ZNF331: variants seen among roughly 807,000 people sequenced by gnomAD.
ZNF331 encodes zinc finger protein 331.
ZNF331 carries 2 observed loss-of-function variants against 7.0 expected under a neutral mutation model. That is an observed-to-expected ratio of 0.29 (90% CI 0.12 to 0.90). The LOEUF (loss-of-function observed/expected upper bound fraction) is 0.90, where lower values mean the gene tolerates loss of function less well. Ranked by LOEUF, ZNF331 falls within the 40% of genes least tolerant of loss-of-function variation. The pLI, the probability that ZNF331 is intolerant of heterozygous loss-of-function variation, is 0.58. For synonymous variants in ZNF331, 196 were observed against 205.4 expected, an observed-to-expected ratio of 0.95 and a Z score of 0.39; for missense variants, 432 against 587.7, an observed-to-expected ratio of 0.74 and a Z score of 2.74.
chr19:53,519,222 CA>C (rs2086980552), upstream of ZNF331, among the ~76,000 whole-genome samples: 2 of 152,186 alleles, frequency 1.3e-5, no homozygotes, highest in African/African-American at 4.8e-5. Flanking sequence ...TGAGTCCACA[CA>C]ATCACAAATC....
chr19:53,560,240 T>C lies in ZNF331; in HGVS notation c.-74+4332T>C, dbSNP rs1167323557. Among the ~76,000 whole-genome samples, 3 of 151,006 alleles carry C rather than the reference T, an allele frequency of 2.0e-5. No individual in the cohort carries two copies. Among genetic ancestry groups the C allele is most frequent in the Non-Finnish European group, 4.4e-5 (3 of 67,756 alleles). ...CACACATATATACACATCCACACCA[T>C]ATATACACACACCATGCACCCACAT... On this transcript the variant is annotated intron_variant, in intron 3 of 5. Transcript: ENST00000449416. The surrounding 1 kb of genome is among the most constrained non-coding windows in gnomAD (Gnocchi z 4.3).
intron 2 of ZNF331, among the ~76,000 whole-genome samples, chr19:53,549,317 A>G (rs749641642): frequency 1.3e-5 from 2 of 152,130 alleles, no homozygotes; most frequent in Non-Finnish European, 2.9e-5. Flanking sequence ...TATAACCGTA[A>G]TAGGTCCGTT....
the ZNF331 span, among the ~76,000 whole-genome samples, chr19:53,509,536 G>A: frequency 6.6e-6 from 1 of 152,184 alleles, no homozygotes; most frequent in Non-Finnish European, 1.5e-5. Context: ...TACTACAAGT[G>A]TATACACAGG....
chr19:53,542,684 T>C (rs1011038308), intron 2 of ZNF331, among the ~76,000 whole-genome samples: 3 of 152,254 alleles, frequency 2.0e-5, no homozygotes, highest in Non-Finnish European at 4.4e-5. Context: ...TTCCTCGTTA[T>C]ATTTCTTAGA....
chr19:53,504,304 T>G, the ZNF331 span: 1 of 260,412 alleles, frequency 3.8e-6, no homozygotes, highest in South Asian at 4.4e-5. Flanking sequence ...CCCCCTAATC[T>G]TATCAGAAAT....
chr19:53,577,229 C>G lies in ZNF331; in HGVS notation c.669C>G (p.Ala223=). The change falls in exon 6 of 6, where the codon GCC becomes GCG. Residue 223 remains alanine (A), a synonymous_variant. Coordinates refer to ENST00000449416, the MANE Select transcript of ZNF331 (RefSeq NM_001079906.2). ...ATGAATGTAAAGACTGTGGAAAGGC[C>G]TTTCGGCGTGGTGATGAGCTCACTC... ...KPYECKDCGK[A]FRRGDELTQH... The G allele has an allele frequency of 1.9e-6, 3 of 1,613,808 alleles. No homozygotes were observed. The highest frequency in any genetic ancestry group is 2.5e-6 in the Non-Finnish European group (3 of 1,179,992).
chr19:53,506,333 T>C, the ZNF331 span, among the ~76,000 whole-genome samples: 3 of 57,746 alleles, frequency 5.2e-5, no homozygotes, highest in Non-Finnish European at 9.7e-5. Flanking sequence ...AGACTCCGTC[T>C]CAAAAAAAAA....
At chr19:53,556,520 T>G (rs2089440825) in intron 3 of ZNF331, among the ~76,000 whole-genome samples, 3 of 151,628 alleles carry the variant, frequency 2.0e-5, no homozygotes, top group African/African-American at 7.3e-5. Context: ...AGACAGGGTC[T>G]CACTATGTTA....
chr19:53,512,466 C>T, the ZNF331 span: 3 of 152,188 alleles, frequency 2.0e-5, no homozygotes, highest in South Asian at 6.2e-4. Context: ...AGGTGGTCTC[C>T]TGGGTAGCAG....
At chr19:53,523,501 G>A (rs2087170487) in intron 2 of ZNF331, 1 of 152,100 alleles carries the variant, frequency 6.6e-6, no homozygotes. Flanking sequence ...TTACAGGTGT[G>A]AGCCACCATG....
At chr19:53,556,146 G>A (rs2147474408) in intron 3 of ZNF331, among the ~76,000 whole-genome samples, 1 of 150,970 alleles carries the variant, frequency 6.6e-6, no homozygotes, top group East Asian at 2.0e-4. Flanking sequence ...GGGAGGCTGA[G>A]GCAGGAGAAT....
Position 53,558,294 on chromosome 19 carries a change from T to G in ZNF331, c.-74+2386T>G, listed in dbSNP as rs1244213496. Among the ~76,000 whole-genome samples the G allele has an allele frequency of 1.3e-5, 2 of 152,168 alleles. No individual in the cohort carries two copies. The highest frequency in any genetic ancestry group is 4.8e-5 in the African/African-American group (2 of 41,436). On this transcript the variant is annotated intron_variant, in intron 3 of 5. Coordinates refer to ENST00000449416, the MANE Select transcript of ZNF331 (RefSeq NM_001079906.2). The surrounding 1 kb of genome is among the most constrained non-coding windows in gnomAD (Gnocchi z 4.5). ...TAATGAACAGCCAGATGAAGAGATA[T>G]GTAGGACTAGGGTTGGAAGAGTCCC... is the stretch of plus-strand genomic sequence containing the variant.
At chr19:53,555,786 T>C (rs2089356341) in intron 2 of ZNF331, 59 bp from the exon 3 acceptor site, 1 of 152,132 alleles carries the variant, frequency 6.6e-6, no homozygotes, top group Non-Finnish European at 1.5e-5. Flanking sequence ...GGGCCTCGTA[T>C]TTCTCATTGG....
chr19:53,532,019 A>G (rs1042605642), intron 2 of ZNF331, among the ~76,000 whole-genome samples: 3 of 151,926 alleles, frequency 2.0e-5, no homozygotes, highest in African/African-American at 7.3e-5. Flanking sequence ...TGTGCTTATT[A>G]TGTACAACAT....
chr19:53,520,855 C>G (rs1568453900), upstream of ZNF331: 1 of 151,902 alleles, frequency 6.6e-6, no homozygotes. Context: ...ATCCTGACAG[C>G]CGCTTCCAAC....
At chr19:53,515,585 C>T (rs1474593885), upstream of ZNF331, among the ~76,000 whole-genome samples, 1 of 152,210 alleles carries the variant, frequency 6.6e-6, no homozygotes, top group Non-Finnish European at 1.5e-5. Context: ...GCAACCTCCG[C>T]CTGCTGGGTT....
chr19:53,503,244 C>G, the ZNF331 span: 1 of 295,756 alleles, frequency 3.4e-6, no homozygotes, highest in African/African-American at 2.2e-5. Context: ...TCTCGGCTCG[C>G]TGCAGCCTCA....
chr19:53,526,069 A>G lies in ZNF331; in HGVS notation c.-205+3385A>G, dbSNP rs576325679. Among the ~76,000 whole-genome samples, 8 of 152,284 alleles carry G rather than the reference A, an allele frequency of 5.3e-5. No homozygotes were observed. In the East Asian group the frequency reaches 7.7e-4, roughly 15 times the overall value. ...TTATCCTTCATTCTGTTAATGTGCTATATCAGATTTATAGATTTGTATATG... is the reference window on the plus strand; with the variant it reads ...TTATCCTTCATTCTGTTAATGTGCTGTATCAGATTTATAGATTTGTATATG... On this transcript the variant is annotated intron_variant, in intron 2 of 6. Transcript: ENST00000253144.
At chr19:53,509,101 A>G in the ZNF331 span, among the ~76,000 whole-genome samples, 1 of 152,140 alleles carries the variant, frequency 6.6e-6, no homozygotes, top group African/African-American at 2.4e-5. Context: ...GCCAGATGAC[A>G]GGGCAGGTGC....
Sources: gnomAD v4.1 joint callset for allele counts (sites outside exome capture counted in the v4.1 genomes callset) on GRCh38, gnomAD v4.1.1 for gene constraint, Gnocchi (gnomAD v3.1) non-coding constraint, MANE v1.5 for transcripts, NCBI Gene and HGNC (gene_info 2026-07-23, HGNC 2026-07-21) for gene names.